Variants in SHC4 observed in about 807,000 individuals in gnomAD.
The protein encoded by SHC4 is SHC-transforming protein 4.
In SHC4, 41 loss-of-function variants were observed where a neutral mutation model predicts 69.4. The observed-to-expected ratio is 0.59, with a 90% CI of 0.46 to 0.77. The LOEUF (loss-of-function observed/expected upper bound fraction) is 0.77. Ranked by LOEUF, SHC4 falls within the 30% of genes least tolerant of loss-of-function variation. SHC4 has a pLI of 0.00. For missense variants in SHC4, 777 were observed against 783.8 expected (o/e 0.99, Z 0.10); for synonymous variants, 318 against 299.3 (o/e 1.06, Z -0.64).
chr15:48,899,044 G>GA (rs765788629), intron 2 of SHC4, among the ~76,000 whole-genome samples: 9,554 of 87,716 alleles, frequency 0.11, 727 homozygotes, highest in East Asian at 0.43. Context: ...AGCTCATTTA[G>GA]AAAAAAAAAA....
chr15:48,839,220 C>T (rs547289615), intron 10 of SHC4, among the ~76,000 whole-genome samples: 2 of 152,288 alleles, frequency 1.3e-5, no homozygotes, highest in South Asian at 2.1e-4. Flanking sequence ...GAAAACTCCA[C>T]ACGGAACTGC....
In SHC4 at chr15:48,916,536, C is replaced by T. The variant is rs578115211; in HGVS notation, c.656+8343G>A. Reference sequence around the variant, plus strand: ...TAGTACCAAATCACCCAGAGAACCTCCTTACTGTCTATAGCATCAGTTCAA... The same window carrying T: ...TAGTACCAAATCACCCAGAGAACCTTCTTACTGTCTATAGCATCAGTTCAA... On this transcript the variant is annotated intron_variant, in intron 2 of 11. Transcript: ENST00000332408. 5.4e-5 allele frequency among the ~76,000 whole-genome samples: 8 copies of T among 147,206 alleles called. No individual in the cohort carries two copies. In the South Asian group the frequency reaches 1.8e-3, roughly 33 times the overall value.
chr15:48,838,914 T>G (rs1187425717), intron 10 of SHC4, among the ~76,000 whole-genome samples: 1 of 151,812 alleles, frequency 6.6e-6, no homozygotes, highest in East Asian at 1.9e-4. Context: ...AAAATAAAAC[T>G]ATGAAGCCAA....
intron 1 of SHC4, among the ~76,000 whole-genome samples, chr15:48,950,348 A>G (rs1269143439): frequency 6.6e-6 from 1 of 151,470 alleles, no homozygotes; most frequent in Admixed American, 6.6e-5. Context: ...CCATCTCCTT[A>G]GGAAGCTTTC....
At position 48,910,147 on chromosome 15, in the gene SHC4, AATGTCT is replaced by A. The variant is rs1595753776; in HGVS notation, c.656+14726_656+14731del. Among the ~76,000 whole-genome samples, 4 of 151,994 alleles carry A rather than the reference AATGTCT, an allele frequency of 2.6e-5. No homozygotes were observed. In the East Asian group the frequency reaches 7.7e-4, roughly 29 times the overall value. On this transcript the variant is annotated intron_variant, in intron 2 of 11. Transcript: ENST00000332408. ...AAGGATTGGTACCAACTCTTCTTCAAATGTCTGGTAGAATTCTGCTGTGAATCCATC... is the reference window on the plus strand; with the variant it reads ...AAGGATTGGTACCAACTCTTCTTCAAGGTAGAATTCTGCTGTGAATCCATC...
chr15:48,911,389 C>T (rs1252018871), intron 2 of SHC4, among the ~76,000 whole-genome samples: 1 of 152,152 alleles, frequency 6.6e-6, no homozygotes, highest in Non-Finnish European at 1.5e-5. Context: ...GCTACCCCTG[C>T]TCGCTTTTGG....
At chr15:48,917,658 A>G (rs1212885186) in intron 2 of SHC4, among the ~76,000 whole-genome samples, 2 of 152,174 alleles carry the variant, frequency 1.3e-5, no homozygotes, top group Non-Finnish European at 2.9e-5. Flanking sequence ...AGTAAAAGCC[A>G]TTCAAGTGGC....
intron 1 of SHC4, among the ~76,000 whole-genome samples, chr15:48,938,826 A>G (rs555262680): frequency 1.3e-5 from 2 of 152,270 alleles, no homozygotes; most frequent in South Asian, 4.1e-4. Context: ...TACAATAACC[A>G]TGAGAGGGGA....
chr15:48,854,017 T>G (rs1168003488), intron 8 of SHC4, among the ~76,000 whole-genome samples: 1 of 152,056 alleles, frequency 6.6e-6, no homozygotes, highest in Non-Finnish European at 1.5e-5. Context: ...CAAAAGAAAC[T>G]ATCAACAGAG....
chr15:48,955,843 T>C (rs1376991935), intron 1 of SHC4, among the ~76,000 whole-genome samples: 3 of 152,222 alleles, frequency 2.0e-5, no homozygotes, highest in African/African-American at 7.2e-5. Flanking sequence ...AATAGAGTGC[T>C]GTACACAGAA....
chr15:48,887,994 G>A (rs1031454773), intron 3 of SHC4, among the ~76,000 whole-genome samples: 3 of 152,150 alleles, frequency 2.0e-5, no homozygotes, highest in Admixed American at 6.5e-5. Context: ...GGAGAAATTA[G>A]AACCCTTGTG....
chr15:48,831,073 T>A (rs935753012), intron 11 of SHC4, among the ~76,000 whole-genome samples: 1 of 151,978 alleles, frequency 6.6e-6, no homozygotes, highest in Non-Finnish European at 1.5e-5. Flanking sequence ...AAATAAAAAA[T>A]TTTAAAATAG....
chr15:48,859,711 A>T (rs972672014), intron 6 of SHC4, among the ~76,000 whole-genome samples: 4 of 152,214 alleles, frequency 2.6e-5, no homozygotes, highest in Admixed American at 2.0e-4. Context: ...TGAGAATTGC[A>T]GTGAGTCCCT....
intron 1 of SHC4, among the ~76,000 whole-genome samples, chr15:48,942,663 T>C (rs1901196637): frequency 6.6e-6 from 1 of 152,222 alleles, no homozygotes; most frequent in Admixed American, 6.5e-5. Context: ...GGTTATTACA[T>C]TAAGTATTGA....
chr15:48,912,698 G>T (rs1900531112), intron 2 of SHC4, among the ~76,000 whole-genome samples: 1 of 152,148 alleles, frequency 6.6e-6, no homozygotes, highest in South Asian at 2.1e-4. Context: ...TGGTTTTCTG[G>T]TTCCTTCTTA....
chr15:48,825,918 C>T lies in SHC4; in HGVS notation c.*53G>A. 1.3e-6 allele frequency: 2 copies of T among 1,574,250 alleles called. No homozygotes were observed. The highest frequency in any genetic ancestry group is 8.6e-7 in the Non-Finnish European group (1 of 1,161,604). ...ACAAAGTTTAAATTATCTTTGTGTC[C>T]TAATACAAAATGGGGTTTCTTGAAA... On this transcript the variant is annotated 3_prime_UTR_variant, in exon 12 of 12. Coordinates refer to ENST00000332408, the MANE Select transcript of SHC4 (RefSeq NM_203349.4).
chr15:48,862,979 T>C (rs1280497916), intron 6 of SHC4, among the ~76,000 whole-genome samples: 8 of 151,158 alleles, frequency 5.3e-5, no homozygotes, highest in African/African-American at 1.9e-4. Flanking sequence ...CTGGCCTGCC[T>C]CCCTCCCCTC....
chr15:48,849,731 GGAGA>G (rs939445157), intron 9 of SHC4, among the ~76,000 whole-genome samples: 1 of 152,162 alleles, frequency 6.6e-6, no homozygotes, highest in Non-Finnish European at 1.5e-5. Flanking sequence ...ATGACGGAAA[GGAGA>G]GAGGAAGGAA....
At chr15:48,879,525 T>TTA (rs1163199587) in intron 4 of SHC4, 1 of 167,104 alleles carries the variant, frequency 6.0e-6, no homozygotes, top group African/African-American at 2.4e-5. Flanking sequence ...GCTTATGCTG[T>TTA]TATATACTAG....
Sources: allele counts gnomAD v4.1 joint callset (sites outside exome capture counted in the v4.1 genomes callset), GRCh38; gene constraint gnomAD v4.1.1; transcripts MANE v1.5; gene names NCBI Gene and HGNC (gene_info 2026-07-23, HGNC 2026-07-21).